Variants in FRAS1 observed in about 807,000 individuals in gnomAD.
The protein encoded by FRAS1 is Fraser extracellular matrix complex subunit 1, also known as extracellular matrix organizing protein FRAS1.
Under a neutral mutation model 435.2 loss-of-function variants are expected in FRAS1, and 290 were observed. The ratio of observed to expected loss-of-function variants is 0.67; its 90% CI spans 0.61 to 0.73. The LOEUF (loss-of-function observed/expected upper bound fraction) is 0.73, where lower values mean the gene tolerates loss of function less well. FRAS1 is among the 30% of genes least tolerant of loss of function. The pLI is 0.00. For missense variants in FRAS1, 4,860 were observed against 5,001.5 expected, an observed-to-expected ratio of 0.97 and a Z score of 0.85; for synonymous variants, 1,800 against 1,851.0, an observed-to-expected ratio of 0.97 and a Z score of 0.71.
chr4:78,142,645 T>C (rs1212589607), intron 2 of FRAS1, among the ~76,000 whole-genome samples: 1 of 152,064 alleles, frequency 6.6e-6, no homozygotes, highest in Non-Finnish European at 1.5e-5. Context: ...AATATGTAGG[T>C]AAAGTTAAAT....
chr4:78,130,998 T>C (rs1261490472), intron 2 of FRAS1, among the ~76,000 whole-genome samples: 1 of 152,194 alleles, frequency 6.6e-6, no homozygotes, highest in East Asian at 1.9e-4. Flanking sequence ...ATAAACCAAG[T>C]TCTTGGTTCT....
chr4:78,469,882 T>A (rs1496602), intron 50 of FRAS1, 96 bp from the exon 51 acceptor site: 1 of 864,174 alleles, frequency 1.2e-6, no homozygotes, highest in South Asian at 1.4e-5. Context: ...TCTGAAGTGT[T>A]AGCAGACTTC....
chr4:78,320,184 G>C (rs961245876), intron 18 of FRAS1, among the ~76,000 whole-genome samples: 3 of 152,194 alleles, frequency 2.0e-5, no homozygotes, highest in Non-Finnish European at 2.9e-5. Context: ...CCACTCTCCA[G>C]ACATCCTGGT....
At chr4:78,324,708 C>CTTTTTTTTT (rs139942839) in intron 18 of FRAS1, among the ~76,000 whole-genome samples, 54 of 88,094 alleles carry the variant, frequency 6.1e-4, no homozygotes, top group African/African-American at 9.4e-4. Context: ...GCTCAGATTC[C>CTTTTTTTTT]TTTTTTTTTT....
chr4:78,117,830 C>T (rs1361321783), intron 2 of FRAS1, among the ~76,000 whole-genome samples: 3 of 152,276 alleles, frequency 2.0e-5, no homozygotes, highest in African/African-American at 7.2e-5. Context: ...TCTCTCAGCT[C>T]ATCAAAGTCA....
At chr4:78,246,337 T>G (rs1036010456) in intron 4 of FRAS1, among the ~76,000 whole-genome samples, 17 of 152,176 alleles carry the variant, frequency 1.1e-4, no homozygotes, top group Non-Finnish European at 2.4e-4. Flanking sequence ...CTATTCAGTG[T>G]GGGGACCTAA....
At chr4:78,527,614 G>T (rs774676708) in intron 70 of FRAS1, among the ~76,000 whole-genome samples, 1 of 152,148 alleles carries the variant, frequency 6.6e-6, no homozygotes, top group East Asian at 1.9e-4. Context: ...CGTCAATACT[G>T]AGGTCATTGG....
At chr4:78,100,242 C>T (rs1483061018) in intron 2 of FRAS1, among the ~76,000 whole-genome samples, 3 of 152,200 alleles carry the variant, frequency 2.0e-5, no homozygotes, top group African/African-American at 7.2e-5. Flanking sequence ...GTTGACCTCT[C>T]CCCTCTGCAT....
At chr4:78,310,333 G>T (rs1446489657) in intron 15 of FRAS1, among the ~76,000 whole-genome samples, 1 of 152,184 alleles carries the variant, frequency 6.6e-6, no homozygotes. Flanking sequence ...CGGTGACCCT[G>T]ACCTGCCACT....
chr4:78,407,183 T>C (rs1733132601), intron 30 of FRAS1, among the ~76,000 whole-genome samples: 1 of 152,214 alleles, frequency 6.6e-6, no homozygotes, highest in Non-Finnish European at 1.5e-5. Context: ...AAATTGAACC[T>C]GTATTACTAT....
At chr4:78,240,515 G>A (rs1040776229) in intron 3 of FRAS1, among the ~76,000 whole-genome samples, 15 of 152,184 alleles carry the variant, frequency 9.9e-5, no homozygotes, top group Admixed American at 7.9e-4. Flanking sequence ...TGAGAATACA[G>A]GAGGATTAAG....
chr4:78,221,849 G>T (rs1724064186), intron 2 of FRAS1, among the ~76,000 whole-genome samples: 1 of 152,178 alleles, frequency 6.6e-6, no homozygotes, highest in African/African-American at 2.4e-5. Flanking sequence ...CAGTCATGGG[G>T]CCAAAAATGA....
rs150704766 is a variant in FRAS1 at position 78,479,308 on chromosome 4, C to T, written c.8099-66C>T. The T allele has an allele frequency of 1.1e-4, 123 of 1,112,316 alleles. No individual in the cohort carries two copies. The African/African-American group carries it at 1.7e-3, about 16-fold the overall frequency. 68.9% of individuals were successfully genotyped at this position (1,112,316 alleles called of 1,614,324 possible). A position where few individuals can be genotyped will look rare whatever the true frequency, so the allele number is the denominator to read the frequency against. On this transcript the variant is annotated intron_variant, in intron 55 of 73. Coordinates refer to ENST00000512123, the MANE Select transcript of FRAS1 (RefSeq NM_025074.7). ...GGGAGGGACCAAGCTCATTAACTTA[C>T]CAGAGGTTTTAAAATCTGAGAAGCA...
At chr4:78,187,937 G>C (rs1329708840) in intron 2 of FRAS1, among the ~76,000 whole-genome samples, 1 of 152,136 alleles carries the variant, frequency 6.6e-6, no homozygotes, top group Non-Finnish European at 1.5e-5. Flanking sequence ...ATCAGCATTT[G>C]ATTTTATGCG....
intron 2 of FRAS1, among the ~76,000 whole-genome samples, chr4:78,165,423 TAGA>T (rs1721296757): frequency 6.6e-6 from 1 of 152,242 alleles, no homozygotes; most frequent in South Asian, 2.1e-4. Context: ...ACTGCTAAAT[TAGA>T]AGACTTGAGT....
rs112812508 is a variant in FRAS1 at position 78,097,418 on chromosome 4, C to T, written c.108+31402C>T. Among the ~76,000 whole-genome samples, 80 of 152,300 alleles carry T rather than the reference C, an allele frequency of 5.3e-4. 3 individuals are homozygous for T. Among genetic ancestry groups the T allele is most frequent in the African/African-American group, 1.9e-3 (77 of 41,572 alleles). On this transcript the variant is annotated intron_variant, in intron 2 of 73. Coordinates refer to ENST00000512123, the MANE Select transcript of FRAS1 (RefSeq NM_025074.7). ...CTTTTCAGCCCACTCTACTGGTACT[C>T]ATTTACTGTATTAGTCCATTTTCAT...
At chr4:78,185,106 A>G (rs2110056737) in intron 2 of FRAS1, among the ~76,000 whole-genome samples, 1 of 152,316 alleles carries the variant, frequency 6.6e-6, no homozygotes, top group East Asian at 1.9e-4. Flanking sequence ...AAGTATTATC[A>G]CTTTTCAAGA....
At chr4:78,093,547 G>GT (rs1359311777) in intron 2 of FRAS1, among the ~76,000 whole-genome samples, 1 of 152,168 alleles carries the variant, frequency 6.6e-6, no homozygotes, top group Non-Finnish European at 1.5e-5. Flanking sequence ...AATTAAAATT[G>GT]TTTTTATCTG....
chr4:78,440,092 G>C (rs913968133), intron 40 of FRAS1, among the ~76,000 whole-genome samples: 6 of 146,590 alleles, frequency 4.1e-5, no homozygotes, highest in African/African-American at 1.5e-4. Context: ...CTGCAGTGGC[G>C]CAATCTCGGC....
Sources: gnomAD v4.1 joint callset for allele counts (sites outside exome capture counted in the v4.1 genomes callset) on GRCh38, gnomAD v4.1.1 for gene constraint, MANE v1.5 for transcripts, NCBI Gene and HGNC (gene_info 2026-07-23, HGNC 2026-07-21) for gene names.